CD38: variants seen among roughly 807,000 people sequenced by gnomAD.
CD38 encodes CD38 molecule, also known as ADP-ribosyl cyclase/cyclic ADP-ribose hydrolase 1.
CD38 carries 31 observed loss-of-function variants against 36.3 expected under a neutral mutation model. The observed-to-expected ratio is 0.85, with a 90% confidence interval of 0.64 to 1.15. The LOEUF is 1.15. Among genes scored for constraint, CD38 ranks in the 50% most tolerant of loss-of-function variants. The pLI, the probability that CD38 is intolerant of heterozygous loss-of-function variation, is 0.00. For synonymous variants in CD38, 131 were observed against 135.2 expected (o/e 0.97, Z 0.22); for missense variants, 380 against 371.9 (o/e 1.02, Z -0.18).
At chr4:15,811,538 T>C (rs988568508) in intron 1 of CD38, among the ~76,000 whole-genome samples, 10 of 152,316 alleles carry the variant, frequency 6.6e-5, no homozygotes, top group African/African-American at 1.4e-4. Context: ...GTTTTTTTTT[T>C]CCCATTGAAT....
intron 1 of CD38, among the ~76,000 whole-genome samples, chr4:15,780,518 T>TCACACACACACA (rs59324393): frequency 1.4e-5 from 2 of 140,028 alleles, no homozygotes. Flanking sequence ...ATTCTCTCTC[T>TCACACACACACA]CACACACACA....
intron 2 of CD38, among the ~76,000 whole-genome samples, chr4:15,820,166 G>A (rs578027011): frequency 1.1e-4 from 16 of 152,250 alleles, no homozygotes; most frequent in African/African-American, 3.4e-4. Context: ...TCACCACCAG[G>A]CCTGCCTTGC....
chr4:15,850,366 C>G lies in CD38; in HGVS notation c.*1764C>G, dbSNP rs1724358276. On this transcript the variant is annotated 3_prime_UTR_variant, in exon 8 of 8. Transcript: ENST00000226279. ...AAAGGATTAATAAATTAATTTGAGA[C>G]TCCTTCAGGGAATGACCACAATTTA... 6.6e-6 allele frequency: 1 copy of G among 152,154 alleles called. No homozygotes were observed. The highest frequency in any genetic ancestry group is 1.5e-5 in the Non-Finnish European group (1 of 68,034). The allele number at this position is 152,154 out of a possible 1,614,324, so 9.4% of individuals were successfully genotyped here.
intron 1 of CD38, among the ~76,000 whole-genome samples, chr4:15,803,172 A>T (rs1352498321): frequency 1.3e-5 from 2 of 152,182 alleles, no homozygotes; most frequent in African/African-American, 4.8e-5. Context: ...TAAGTGTAAG[A>T]CCCCAAATTA....
chr4:15,803,827 C>T (rs779177768), intron 1 of CD38, among the ~76,000 whole-genome samples: 1 of 152,000 alleles, frequency 6.6e-6, no homozygotes, highest in African/African-American at 2.4e-5. Flanking sequence ...TTATACTCCC[C>T]AGTGCCTAGC....
Position 15,848,712 on chromosome 4 carries a change from A to C in CD38, c.*110A>C, listed in dbSNP as rs1724321117. On this transcript the variant is annotated 3_prime_UTR_variant, in exon 8 of 8. Coordinates refer to ENST00000226279, the MANE Select transcript of CD38 (RefSeq NM_001775.4). Reference sequence around the variant, plus strand: ...CTGAAGATTTTGGAGGGTCCTCCACAATAAGGTCAATGCCAGAGACGGAAG... The same window carrying C: ...CTGAAGATTTTGGAGGGTCCTCCACCATAAGGTCAATGCCAGAGACGGAAG... 3 of 755,962 alleles carry C rather than the reference A, an allele frequency of 4.0e-6. No homozygotes were observed. Among genetic ancestry groups the C allele is most frequent in the Non-Finnish European group, 6.8e-6 (3 of 443,016 alleles). The allele number at this position is 755,962 out of a possible 1,614,324, so 46.8% of individuals were successfully genotyped here.
intron 7 of CD38, among the ~76,000 whole-genome samples, chr4:15,841,017 A>C (rs928405412): frequency 1.3e-5 from 2 of 152,182 alleles, no homozygotes; most frequent in Non-Finnish European, 2.9e-5. Flanking sequence ...ACGGCAGTCT[A>C]CCAAAATCTA....
At chr4:15,786,540 A>G (rs1291868362) in intron 1 of CD38, among the ~76,000 whole-genome samples, 4 of 152,214 alleles carry the variant, frequency 2.6e-5, no homozygotes, top group African/African-American at 9.7e-5. Context: ...TGAGCTAGAC[A>G]CAGGGTGCTG....
intron 2 of CD38, among the ~76,000 whole-genome samples, chr4:15,823,841 A>G (rs555257384): frequency 7.9e-5 from 12 of 152,336 alleles, no homozygotes; most frequent in African/African-American, 2.6e-4. Flanking sequence ...TATTATAAAG[A>G]TATGTGCATG....
chr4:15,778,697 C>A lies in CD38; in HGVS notation c.233+50C>A. 7.4e-7 allele frequency: 1 copy of A among 1,346,422 alleles called. No individual in the cohort carries two copies. The highest frequency in any genetic ancestry group is 1.0e-6 in the Non-Finnish European group (1 of 953,652). 83.4% of individuals were successfully genotyped at this position (1,346,422 alleles called of 1,614,324 possible). A position where few individuals can be genotyped will look rare whatever the true frequency, so the allele number is the denominator to read the frequency against. On this transcript the variant is annotated intron_variant, in intron 1 of 7. Transcript: ENST00000226279. This position sits in a 1 kb window ranked among gnomAD's most constrained non-coding sequence, Gnocchi z 4.9. ...GGTGGGCACTGCGGGGACAGCAGGG[C>A]CCCGCGCGCAGGGAAGCCGCCCGGA...
intron 1 of CD38, among the ~76,000 whole-genome samples, chr4:15,800,215 T>G (rs1723189780): frequency 6.6e-6 from 1 of 152,170 alleles, no homozygotes. Flanking sequence ...AGGTTCGTTT[T>G]CTCTAAAATA....
intron 3 of CD38, among the ~76,000 whole-genome samples, chr4:15,828,949 C>A (rs1313428854): frequency 6.6e-6 from 1 of 152,128 alleles, no homozygotes; most frequent in Non-Finnish European, 1.5e-5. Context: ...GTACAAATAA[C>A]CCCCTTTCTT....
chr4:15,781,279 A>T (rs1722690267), intron 1 of CD38, among the ~76,000 whole-genome samples: 1 of 152,162 alleles, frequency 6.6e-6, no homozygotes, highest in Non-Finnish European at 1.5e-5. Flanking sequence ...CTAGTTGCTA[A>T]CAATTTCCCC....
intron 1 of CD38, among the ~76,000 whole-genome samples, chr4:15,781,952 G>C (rs1158791088): frequency 3.9e-5 from 6 of 152,180 alleles, no homozygotes; most frequent in Non-Finnish European, 8.8e-5. Flanking sequence ...TGAGTGGCCT[G>C]TTTCACTTGG....
At chr4:15,785,567 A>C (rs1463485165) in intron 1 of CD38, among the ~76,000 whole-genome samples, 1 of 151,386 alleles carries the variant, frequency 6.6e-6, no homozygotes, top group Non-Finnish European at 1.5e-5. Context: ...ATAAACACTC[A>C]TGGCTTCTCT....
rs1285248191 is a variant in CD38 at position 15,816,493 on chromosome 4, T to G, written c.234-18T>G. On this transcript the variant is annotated intron_variant, in intron 1 of 7. Transcript: ENST00000226279. Reference sequence around the variant, plus strand: ...AAAATCAAATAATTTATGTTTTATTTTCTGTGTTTTATCTCAGACATGTAG... The same window carrying G: ...AAAATCAAATAATTTATGTTTTATTGTCTGTGTTTTATCTCAGACATGTAG... 2 of 1,562,952 alleles carry G rather than the reference T, an allele frequency of 1.3e-6. No homozygotes were observed.
At position 15,788,887 on chromosome 4, in the gene CD38, C is replaced by T. The variant is rs142582096; in HGVS notation, c.233+10240C>T. On this transcript the variant is annotated intron_variant, in intron 1 of 7. Transcript: ENST00000226279. ...TAAAACTGGTTAATGTTTCTCAGGGCAATAAAAAGCTATAAACGTTGGGGA... is the reference window on the plus strand; with the variant it reads ...TAAAACTGGTTAATGTTTCTCAGGGTAATAAAAAGCTATAAACGTTGGGGA... 4.6e-5 allele frequency among the ~76,000 whole-genome samples: 7 copies of T among 152,166 alleles called. No individual in the cohort carries two copies. In the East Asian group the frequency reaches 1.3e-3, roughly 29 times the overall value.
chr4:15,837,248 C>T (rs1279864358), intron 4 of CD38, among the ~76,000 whole-genome samples: 2 of 152,168 alleles, frequency 1.3e-5, no homozygotes, highest in Non-Finnish European at 2.9e-5. Context: ...TTGTGAGCTA[C>T]CAGCACCTTT....
chr4:15,789,469 C>T (rs553205387), intron 1 of CD38, among the ~76,000 whole-genome samples: 12 of 152,082 alleles, frequency 7.9e-5, no homozygotes, highest in Non-Finnish European at 1.2e-4. Context: ...TTTCTCAGGG[C>T]GATAAAAAGC....
Sources: allele counts gnomAD v4.1 joint callset (sites outside exome capture counted in the v4.1 genomes callset), GRCh38; gene constraint gnomAD v4.1.1; non-coding constraint Gnocchi (gnomAD v3.1); transcripts MANE v1.5; gene names NCBI Gene and HGNC (gene_info 2026-07-23, HGNC 2026-07-21).